Variants in MICALL1 observed in about 807,000 individuals in gnomAD.
MICALL1 encodes MICAL-like protein 1.
A neutral mutation model predicts 83.7 loss-of-function variants in MICALL1; 61 were observed. The ratio of observed to expected loss-of-function variants is 0.73; its 90% CI spans 0.59 to 0.90. The LOEUF (loss-of-function observed/expected upper bound fraction) is 0.90, where lower values mean the gene tolerates loss of function less well. Ranked by LOEUF, MICALL1 falls within the 40% of genes least tolerant of loss-of-function variation. MICALL1 has a pLI of 0.00. For missense variants in MICALL1, 1,066 were observed against 1,152.0 expected (o/e 0.93, Z 1.08); for synonymous variants, 481 against 473.6 (o/e 1.02, Z -0.20).
chr22:37,911,821 A>C, intron 1 of MICALL1, 131 bp from the exon 2 acceptor site: 1 of 858,634 alleles, frequency 1.2e-6, no homozygotes, highest in Non-Finnish European at 2.0e-6. Flanking sequence ...ACTCCCCCCC[A>C]GCAACCCTGC....
chr22:37,915,542 T>G (rs1358317968), intron 3 of MICALL1, among the ~76,000 whole-genome samples: 1 of 152,122 alleles, frequency 6.6e-6, no homozygotes, highest in African/African-American at 2.4e-5. Context: ...TCAGTTTCCC[T>G]TTTGCAGTGA....
chr22:37,939,148 C>A (rs571351956), intron 15 of MICALL1, among the ~76,000 whole-genome samples: 1 of 152,312 alleles, frequency 6.6e-6, no homozygotes, highest in East Asian at 1.9e-4. Context: ...TACTTGAGTT[C>A]TAGTCCCAGC....
chr22:37,923,523 G>A (rs551292340), intron 6 of MICALL1, among the ~76,000 whole-genome samples: 2 of 152,284 alleles, frequency 1.3e-5, no homozygotes, highest in African/African-American at 4.8e-5. Context: ...CACCATGCCT[G>A]GCCTGTTTCT....
At chr22:37,940,431 A>T (rs926361980) in intron 15 of MICALL1, among the ~76,000 whole-genome samples, 3 of 152,112 alleles carry the variant, frequency 2.0e-5, no homozygotes, top group Non-Finnish European at 4.4e-5. Flanking sequence ...AAAAAAAAAA[A>T]GAATTCCCGG....
At chr22:37,937,220 C>CG in intron 14 of MICALL1, 26 bp downstream of exon 14, 1 of 1,417,252 alleles carries the variant, frequency 7.1e-7, no homozygotes, top group Non-Finnish European at 9.6e-7. Flanking sequence ...GTGGGGGGTC[C>CG]TGGGGGCAGG....
At chr22:37,927,969 G>A (rs890388519) in intron 9 of MICALL1, 143 bp downstream of exon 9, 30 of 901,388 alleles carry the variant, frequency 3.3e-5, no homozygotes, top group African/African-American at 6.8e-5. Context: ...GTGCAGTGGC[G>A]CGATCTTGGC....
At position 37,926,052 on chromosome 22, in the gene MICALL1, CT is replaced by C; in HGVS notation, c.1465+12del. 6.3e-7 allele frequency: 1 copy of C among 1,578,974 alleles called. No homozygotes were observed. The highest frequency in any genetic ancestry group is 8.6e-7 in the Non-Finnish European group (1 of 1,160,120). ...CAGCGCGTCCCCACTGGGTGAGTGC[CT>C]TTCCTGGAGCTCTCCTGACAGTCGG... On this transcript the variant is annotated intron_variant, in intron 8 of 15. Transcript: ENST00000215957.
Position 37,925,993 on chromosome 22 carries a change from CCAA to C in MICALL1, c.1416_1418del (p.Lys473del). 1 of 1,613,650 alleles carries C rather than the reference CCAA, an allele frequency of 6.2e-7. No individual in the cohort carries two copies. ...TACGGCATCACCCCTACCAGCAGCC[CCAA>C]GACAAAGAAGCGCCCTGCCCCGCGC... On this transcript the variant is annotated inframe_deletion, in exon 8 of 16. Transcript: ENST00000215957.
chr22:37,938,326 C>T (rs13058620), intron 15 of MICALL1, among the ~76,000 whole-genome samples: 1 of 146,610 alleles, frequency 6.8e-6, no homozygotes, highest in Non-Finnish European at 1.5e-5. Context: ...GGTGTGAACC[C>T]GGGAGGTGGA....
chr22:37,922,236 G>A lies in MICALL1; in HGVS notation c.834G>A (p.Pro278=), dbSNP rs771523246. 6.2e-6 allele frequency: 10 copies of A among 1,603,532 alleles called. No individual in the cohort carries two copies. Among genetic ancestry groups the A allele is most frequent in the African/African-American group, 4.0e-5 (3 of 74,724 alleles). Residue 278 remains proline (P), a synonymous_variant, in exon 6 of 16, where the codon CCG becomes CCA. Transcript: ENST00000215957. ...DGPKASPEAR[P]QIPTKPRVPG... The stretch of plus-strand genomic sequence containing the variant: ...CCAAGGCCAGCCCTGAGGCCCGGCC[G>A]CAGATCCCTACCAAGCCCCGGGTTC...
chr22:37,935,167 C>T (rs899448238), intron 13 of MICALL1, among the ~76,000 whole-genome samples: 29 of 146,476 alleles, frequency 2.0e-4, no homozygotes, highest in Middle Eastern at 4.4e-3. Context: ...CTCCTGACCT[C>T]GTGATCCACC....
chr22:37,909,882 G>A (rs542568205), intron 1 of MICALL1, among the ~76,000 whole-genome samples: 1 of 152,252 alleles, frequency 6.6e-6, no homozygotes, highest in East Asian at 1.9e-4. Context: ...CTAGAGTGAG[G>A]GCAAGAATCA....
At chr22:37,909,820 A>G (rs1928202850) in intron 1 of MICALL1, among the ~76,000 whole-genome samples, 1 of 152,222 alleles carries the variant, frequency 6.6e-6, no homozygotes, top group South Asian at 2.1e-4. Context: ...CATAATGTGT[A>G]GGGAAGTCCT....
intron 15 of MICALL1, 98 bp from the exon 16 acceptor site, chr22:37,940,611 C>T: frequency 6.8e-7 from 1 of 1,477,202 alleles, no homozygotes; most frequent in Non-Finnish European, 9.2e-7. Context: ...TGGGCTGAGC[C>T]CTGCTGCCCA....
intron 1 of MICALL1, chr22:37,907,238 C>A (rs980132110): frequency 6.6e-6 from 1 of 152,276 alleles, no homozygotes; most frequent in South Asian, 2.1e-4. Flanking sequence ...AGGTGGGGCG[C>A]GCAAGAGGAG....
intron 1 of MICALL1, among the ~76,000 whole-genome samples, chr22:37,908,958 C>G (rs976769041): frequency 3.3e-5 from 5 of 152,072 alleles, no homozygotes; most frequent in Non-Finnish European, 7.4e-5. Context: ...CACAAGGTAG[C>G]GAGTTGGGAG....
chr22:37,934,384 G>A (rs1371280709), intron 13 of MICALL1, among the ~76,000 whole-genome samples: 1 of 152,096 alleles, frequency 6.6e-6, no homozygotes, highest in East Asian at 1.9e-4. Context: ...GTAGACTGGG[G>A]ACATAACTTA....
chr22:37,912,081 G>A (rs1026971303), intron 2 of MICALL1, 81 bp downstream of exon 2: 9 of 1,530,814 alleles, frequency 5.9e-6, no homozygotes, highest in African/African-American at 1.4e-5. Context: ...GGGAGGGCAG[G>A]GGTCTTGCAC....
At position 37,940,898 on chromosome 22, in the gene MICALL1, G is replaced by C. The variant is rs1376065944; in HGVS notation, c.*68G>C. On this transcript the variant is annotated 3_prime_UTR_variant, in exon 16 of 16. Transcript: ENST00000215957. ...CTCCTGGGCTGTGCTCTGTTTGAAGGGGGCGCCCTGCTCCCCTCAGATCAG... is the reference window on the plus strand; with the variant it reads ...CTCCTGGGCTGTGCTCTGTTTGAAGCGGGCGCCCTGCTCCCCTCAGATCAG... The C allele has an allele frequency of 3.1e-6, 5 of 1,593,562 alleles. No individual in the cohort carries two copies. Among genetic ancestry groups the C allele is most frequent in the Non-Finnish European group, 2.6e-6 (3 of 1,168,302 alleles).
Sources: allele counts gnomAD v4.1 joint callset (sites outside exome capture counted in the v4.1 genomes callset), GRCh38; gene constraint gnomAD v4.1.1; transcripts MANE v1.5; gene names NCBI Gene and HGNC (gene_info 2026-07-23, HGNC 2026-07-21).